Variants in TENM1 observed in about 807,000 individuals in gnomAD.
TENM1 encodes the protein teneurin transmembrane protein 1, also known as teneurin-1.
Under a neutral mutation model 174.8 loss-of-function variants are expected in TENM1, and 35 were observed. The ratio of observed to expected loss-of-function variants is 0.20; its 90% confidence interval spans 0.15 to 0.27. The LOEUF (loss-of-function observed/expected upper bound fraction) is 0.27. Ranked by LOEUF, TENM1 falls within the 10% of genes least tolerant of loss-of-function variation. The probability of loss-of-function intolerance (pLI) is 1.00; values close to 1 mark genes in which losing one functional copy is unlikely to be tolerated. For missense variants in TENM1, 1,633 were observed against 2,130.1 expected (o/e 0.77, Z 4.59); for synonymous variants, 781 against 798.7 (o/e 0.98, Z 0.37).
At chrX:124,609,305 G>GA (rs1268867736) in intron 11 of TENM1, among the ~76,000 whole-genome samples, 15 of 110,935 alleles carry the variant, frequency 1.4e-4, no homozygotes, top group African/African-American at 4.6e-4. Flanking sequence ...AGTCGCTGAA[G>GA]AAAAAAAGTC....
intron 3 of TENM1, among the ~76,000 whole-genome samples, chrX:124,756,876 C>T (rs972050994): frequency 1.8e-5 from 2 of 111,389 alleles, no homozygotes; most frequent in South Asian, 7.7e-4. Context: ...AGTACCCGGC[C>T]GTGTGAGGTG....
At chrX:124,591,438 G>A (rs751128766) in intron 11 of TENM1, among the ~76,000 whole-genome samples, 8 of 111,800 alleles carry the variant, frequency 7.2e-5, no homozygotes, top group Non-Finnish European at 1.5e-4. Flanking sequence ...TTCCCTCAGT[G>A]CTTGCTTGTC....
At chrX:125,053,661 T>C in the TENM1 span, among the ~76,000 whole-genome samples, 1 of 111,556 alleles carries the variant, frequency 9.0e-6, no homozygotes, top group Non-Finnish European at 1.9e-5. Context: ...TAGGTTTGGG[T>C]TCTATAAAAG....
intron 11 of TENM1, among the ~76,000 whole-genome samples, chrX:124,634,031 G>A (rs1443915720): frequency 9.0e-6 from 1 of 111,562 alleles, no homozygotes; most frequent in East Asian, 2.8e-4. Flanking sequence ...TCACCTTAAT[G>A]TTTATCTTTT....
the TENM1 span, among the ~76,000 whole-genome samples, chrX:125,055,620 A>G: frequency 9.0e-6 from 1 of 111,576 alleles, no homozygotes; most frequent in Non-Finnish European, 1.9e-5. Context: ...AACCACTTAA[A>G]GACACTCATA....
chrX:124,407,386 T>A (rs1042372199), intron 25 of TENM1, among the ~76,000 whole-genome samples: 7 of 112,258 alleles, frequency 6.2e-5, no homozygotes, highest in Admixed American at 1.9e-4. Flanking sequence ...AACCCATTAC[T>A]GTTTTCTTTT....
the TENM1 span, among the ~76,000 whole-genome samples, chrX:125,064,336 A>C: frequency 1.8e-5 from 2 of 112,023 alleles, no homozygotes; most frequent in South Asian, 7.4e-4. Context: ...AAAAATTAAA[A>C]AAAAGAAAGA....
chrX:124,741,710 G>A (rs765714627), intron 3 of TENM1, among the ~76,000 whole-genome samples: 9 of 111,893 alleles, frequency 8.0e-5, no homozygotes, highest in Non-Finnish European at 1.5e-4. Flanking sequence ...TGATTAGGAC[G>A]GAAACTTCTA....
At chrX:125,055,524 A>T in the TENM1 span, among the ~76,000 whole-genome samples, 1 of 111,600 alleles carries the variant, frequency 9.0e-6, no homozygotes, top group Admixed American at 9.6e-5. Flanking sequence ...TTTTCCCACC[A>T]ACTACCACAG....
At chrX:124,841,239 C>A (rs2056491969) in intron 3 of TENM1, among the ~76,000 whole-genome samples, 1 of 111,843 alleles carries the variant, frequency 8.9e-6, no homozygotes, top group Non-Finnish European at 1.9e-5. Flanking sequence ...CTTTCTCCTT[C>A]AGTGGAAAAC....
intron 20 of TENM1, among the ~76,000 whole-genome samples, chrX:124,493,335 C>A (rs927049006): frequency 7.2e-5 from 8 of 111,499 alleles, no homozygotes; most frequent in African/African-American, 2.6e-4. Flanking sequence ...ATGACAATTG[C>A]TCCACTTTAG....
the TENM1 span, among the ~76,000 whole-genome samples, chrX:125,151,378 G>GA: frequency 8.9e-6 from 1 of 111,971 alleles, no homozygotes; most frequent in Non-Finnish European, 1.9e-5. Context: ...GAGACCAGCG[G>GA]AAAAAATGAC....
chrX:124,646,375 G>A (rs993321632), intron 9 of TENM1, among the ~76,000 whole-genome samples: 16 of 112,462 alleles, frequency 1.4e-4, no homozygotes, highest in Admixed American at 1.2e-3. Context: ...ATAGTGACTG[G>A]TCAGACAACC....
chrX:124,701,413 A>G (rs1418932503), intron 5 of TENM1, among the ~76,000 whole-genome samples: 1 of 111,633 alleles, frequency 9.0e-6, no homozygotes, highest in African/African-American at 3.3e-5. Flanking sequence ...TTGCCAGAGA[A>G]GCTGTGTTTG....
At chrX:124,864,710 A>G (rs768322128) in intron 3 of TENM1, among the ~76,000 whole-genome samples, 4 of 111,542 alleles carry the variant, frequency 3.6e-5, no homozygotes, top group Non-Finnish European at 5.6e-5. Context: ...ATAATAACAG[A>G]GAACTTCCCA....
the TENM1 span, among the ~76,000 whole-genome samples, chrX:125,051,027 A>C: frequency 2.7e-5 from 3 of 111,727 alleles, no homozygotes; most frequent in East Asian, 5.6e-4. Flanking sequence ...AATGTGCAAA[A>C]ATCACAAGCA....
intron 3 of TENM1, among the ~76,000 whole-genome samples, chrX:124,843,550 G>C (rs748854526): frequency 9.0e-6 from 1 of 111,615 alleles, no homozygotes; most frequent in African/African-American, 3.2e-5. Context: ...ATCCTCCTTA[G>C]TGGTTCTTTA....
intron 14 of TENM1, among the ~76,000 whole-genome samples, chrX:124,551,013 G>T (rs761914394): frequency 9.8e-5 from 11 of 112,538 alleles, no homozygotes; most frequent in Non-Finnish European, 1.7e-4. Context: ...AACTGCCTTG[G>T]CCTCCCAAAC....
At chrX:125,069,349 G>A in the TENM1 span, among the ~76,000 whole-genome samples, 1 of 111,934 alleles carries the variant, frequency 8.9e-6, no homozygotes, top group African/African-American at 3.2e-5. Flanking sequence ...TTCTATGGAT[G>A]CATGGTATTC....
Sources: allele counts gnomAD v4.1 joint callset (sites outside exome capture counted in the v4.1 genomes callset), GRCh38; gene constraint gnomAD v4.1.1; transcripts MANE v1.5; gene names NCBI Gene and HGNC (gene_info 2026-07-23, HGNC 2026-07-21).